Variants in AMBN observed in about 807,000 individuals in gnomAD.
AMBN encodes the protein enamel matrix protein.
Under a neutral mutation model 48.0 loss-of-function variants are expected in AMBN, and 54 were observed. The observed-to-expected ratio is 1.12, with a 90% confidence interval of 0.90 to 1.41. AMBN has a LOEUF of 1.41. Ranked by LOEUF, AMBN falls within the 40% of genes most tolerant of loss-of-function variation. AMBN has a pLI of 0.00. For synonymous variants in AMBN, 186 were observed against 190.0 expected, an observed-to-expected ratio of 0.98 and a Z score of 0.17; for missense variants, 571 against 547.3, an observed-to-expected ratio of 1.04 and a Z score of -0.43.
chr4:70,600,085 T>A (rs1290658816), intron 5 of AMBN, among the ~76,000 whole-genome samples: 1 of 152,092 alleles, frequency 6.6e-6, no homozygotes, highest in Non-Finnish European at 1.5e-5. Context: ...GGTGGGTGGA[T>A]CACTTGAGGT....
chr4:70,601,655 G>T lies in AMBN; in HGVS notation c.531+1G>T, dbSNP rs1475241932. The T allele has an allele frequency of 8.7e-6, 14 of 1,613,426 alleles. No homozygotes were observed. Among genetic ancestry groups the T allele is most frequent in the Non-Finnish European group, 1.1e-5 (13 of 1,179,532 alleles). On this transcript the variant is annotated splice_donor_variant, in intron 6 of 12. Coordinates refer to ENST00000322937, the MANE Select transcript of AMBN (RefSeq NM_016519.6). LOFTEE classifies it high-confidence loss of function. The stretch of plus-strand genomic sequence containing the variant: ...ATCAGATAAGCCACCAAAGCCTGAG[G>T]TACTTCCTTTCTCTTGAAGTCAGAT...
chr4:70,603,102 C>T, intron 9 of AMBN, 92 bp downstream of exon 9: 4 of 1,440,184 alleles, frequency 2.8e-6, no homozygotes, highest in Non-Finnish European at 3.8e-6. Context: ...CCCATTTATC[C>T]ATGAATATGA....
chr4:70,598,436 TG>T (rs1737438798), intron 4 of AMBN, 33 bp downstream of exon 4: 1 of 1,531,720 alleles, frequency 6.5e-7, no homozygotes, highest in African/African-American at 1.4e-5. Flanking sequence ...GTATTCATGG[TG>T]GTGGTAGTGT....
At position 70,602,726 on chromosome 4, in the gene AMBN, TTTTA is replaced by T. The variant is rs1317152613; in HGVS notation, c.570+68_571-65del. On this transcript the variant is annotated intron_variant, in intron 7 of 12. Coordinates refer to ENST00000322937, the MANE Select transcript of AMBN (RefSeq NM_016519.6). ...TTTTTTAATTTTTATTTGTTCACTTTTTTATTTTTATTTGTATTTAACTACTTTG... is the reference window on the plus strand; with the variant it reads ...TTTTTTAATTTTTATTTGTTCACTTTTTTTTATTTGTATTTAACTACTTTG... 3.2e-4 allele frequency: 473 copies of T among 1,461,034 alleles called. 17 individuals carry two copies. Among genetic ancestry groups the T allele is most frequent in the Non-Finnish European group, 3.9e-4 (422 of 1,075,652 alleles). 90.5% of individuals were successfully genotyped at this position (1,461,034 alleles called of 1,614,324 possible).
In AMBN at chr4:70,598,460, C is replaced by T. The variant is rs539771790; in HGVS notation, c.183+57C>T. 4 of 1,371,326 alleles carry T rather than the reference C, an allele frequency of 2.9e-6. No homozygotes were observed. In the South Asian group the frequency reaches 5.8e-5, roughly 20 times the overall value. The allele number at this position is 1,371,326 out of a possible 1,614,324, so 84.9% of individuals were successfully genotyped here. A position where few individuals can be genotyped will look rare whatever the true frequency, so the allele number is the denominator to read the frequency against. On this transcript the variant is annotated intron_variant, in intron 4 of 12. Coordinates refer to ENST00000322937, the MANE Select transcript of AMBN (RefSeq NM_016519.6). ...GTGGTGGTAGTGTTAATATTAGCAG[C>T]AGCATTATAATTCATCAAATTTATT... is the stretch of plus-strand genomic sequence containing the variant.
At chr4:70,603,382 A>G (rs1297258146) in intron 10 of AMBN, 34 bp from the exon 11 acceptor site, 2 of 1,613,462 alleles carry the variant, frequency 1.2e-6, no homozygotes, top group Non-Finnish European at 1.7e-6. Context: ...CCATTGGAAA[A>G]TGCATTTTGT....
At position 70,606,542 on chromosome 4, in the gene AMBN, C is replaced by T. The variant is rs750930274; in HGVS notation, c.1156C>T (p.Leu386=). 1.2e-6 allele frequency: 2 copies of T among 1,614,032 alleles called. No homozygotes were observed. The highest frequency in any genetic ancestry group is 2.2e-5 in the East Asian group (1 of 44,864). Residue 386 remains leucine, a synonymous_variant, in exon 13 of 13, where the codon CTG becomes TTG. Transcript: ENST00000322937. Reference sequence around the variant, plus strand: ...CGTCACCCCAGCAGCTGCTGACCCACTGATGACCCCTGAATTAGCTGATGT... The same window carrying T: ...CGTCACCCCAGCAGCTGCTGACCCATTGATGACCCCTGAATTAGCTGATGT... The part of the protein sequence containing the change: ...PSVTPAAADP[L]MTPELADVYR...
At chr4:70,597,863 T>C (rs1172499050) in intron 3 of AMBN, among the ~76,000 whole-genome samples, 2 of 152,228 alleles carry the variant, frequency 1.3e-5, no homozygotes, top group Admixed American at 1.3e-4. Context: ...CGATAATCTA[T>C]CCAGATACTT....
intron 4 of AMBN, among the ~76,000 whole-genome samples, chr4:70,599,216 G>T (rs1459450459): frequency 6.6e-6 from 1 of 152,082 alleles, no homozygotes; most frequent in Non-Finnish European, 1.5e-5. Context: ...GCCAAGGTGG[G>T]CGGATCATGA....
At position 70,606,788 on chromosome 4, in the gene AMBN, A is replaced by G; in HGVS notation, c.*58A>G. On this transcript the variant is annotated 3_prime_UTR_variant, in exon 13 of 13. Transcript: ENST00000322937. ...ACAAGCTTCCCAGCTTTGTCCCCAC[A>G]GTGTACCTTTTTGCTAAAACACTTA... The G allele has an allele frequency of 2.6e-6, 4 of 1,533,722 alleles. No homozygotes were observed. Among genetic ancestry groups the G allele is most frequent in the Non-Finnish European group, 3.5e-6 (4 of 1,138,488 alleles).
intron 5 of AMBN, among the ~76,000 whole-genome samples, chr4:70,601,066 G>T (rs79834971): frequency 0.021 from 3,159 of 152,212 alleles, 44 homozygotes; most frequent in Middle Eastern, 0.044. Flanking sequence ...GGGGGACAAA[G>T]ATTTATAACA....
chr4:70,598,480 T>C, intron 4 of AMBN, 77 bp downstream of exon 4: 2 of 1,188,746 alleles, frequency 1.7e-6, no homozygotes, highest in Non-Finnish European at 2.3e-6. Flanking sequence ...ATTCATCAAA[T>C]TTATTTATGA....
chr4:70,600,841 T>C (rs1737504524), intron 5 of AMBN, among the ~76,000 whole-genome samples: 1 of 152,198 alleles, frequency 6.6e-6, no homozygotes, highest in African/African-American at 2.4e-5. Flanking sequence ...GAACAATAAA[T>C]TATGTTAATG....
At position 70,606,712 on chromosome 4, in the gene AMBN, G is replaced by A. The variant is rs1297758923; in HGVS notation, c.1326G>A (p.Trp442Ter). 8 of 1,612,436 alleles carry A rather than the reference G, an allele frequency of 5.0e-6. No individual in the cohort carries two copies. Among genetic ancestry groups the A allele is most frequent in the Middle Eastern group, 1.7e-4 (1 of 6,054 alleles). Reference sequence around the variant, plus strand: ...AGCCCGAGATGATGCATGACGCATGGCATTTCCAAGAGCCCTGACAGCTCT... The same window carrying A: ...AGCCCGAGATGATGCATGACGCATGACATTTCCAAGAGCCCTGACAGCTCT... ...AQEPEMMHDA[W>*]HFQEP Residue 442 changes from tryptophan to a stop codon, truncating the protein, a stop_gained, in exon 13 of 13, where the codon TGG (tryptophan) becomes TGA (stop). Transcript: ENST00000322937. LOFTEE classifies it high-confidence loss of function.
Position 70,606,782 on chromosome 4 carries a change from C to T in AMBN, c.*52C>T. On this transcript the variant is annotated 3_prime_UTR_variant, in exon 13 of 13. Transcript: ENST00000322937. Reference sequence around the variant, plus strand: ...GTATGCACAAGCTTCCCAGCTTTGTCCCCACAGTGTACCTTTTTGCTAAAA... The same window carrying T: ...GTATGCACAAGCTTCCCAGCTTTGTTCCCACAGTGTACCTTTTTGCTAAAA... 3.2e-6 allele frequency: 5 copies of T among 1,550,154 alleles called. No homozygotes were observed. Among genetic ancestry groups the T allele is most frequent in the Non-Finnish European group, 4.4e-6 (5 of 1,146,118 alleles).
At position 70,607,245 on chromosome 4, in the gene AMBN, A is replaced by T. The variant is rs909220459; in HGVS notation, c.*515A>T. The T allele has an allele frequency of 6.6e-6, 1 of 152,612 alleles. No homozygotes were observed. Among genetic ancestry groups the T allele is most frequent in the Non-Finnish European group, 1.5e-5 (1 of 68,060 alleles). The allele number at this position is 152,612 out of a possible 1,614,324, so 9.5% of individuals were successfully genotyped here. A position where few individuals can be genotyped will look rare whatever the true frequency, so the allele number is the denominator to read the frequency against. On this transcript the variant is annotated 3_prime_UTR_variant, in exon 13 of 13. Coordinates refer to ENST00000322937, the MANE Select transcript of AMBN (RefSeq NM_016519.6). ...TAGAGTATTTTATTTAATCTAGTATAAAAAATCTAGCCTATTTTAAATAAA... is the reference window on the plus strand; with the variant it reads ...TAGAGTATTTTATTTAATCTAGTATTAAAAATCTAGCCTATTTTAAATAAA...
intron 2 of AMBN, among the ~76,000 whole-genome samples, chr4:70,595,974 A>G (rs1247379963): frequency 6.6e-6 from 1 of 152,110 alleles, no homozygotes; most frequent in Admixed American, 6.6e-5. Flanking sequence ...TGGGCAACAT[A>G]GTGAGACCCC....
rs1283846117 is a variant in AMBN, at chr4:70,592,300, T to C, written c.-59T>C. On this transcript the variant is annotated 5_prime_UTR_variant, in exon 1 of 13. Transcript: ENST00000322937. ...CCACGCACAGTCCTGAAAAAAATTT[T>C]AATCTTCTTTTCTTAGAACTATCTT... 5.0e-6 allele frequency: 8 copies of C among 1,603,770 alleles called. No individual in the cohort carries two copies. In the African/African-American group the frequency reaches 5.4e-5, roughly 11 times the overall value.
Position 70,599,624 on chromosome 4 carries a change from C to G in AMBN, c.272C>G (p.Pro91Arg). 1.2e-6 allele frequency: 2 copies of G among 1,611,730 alleles called. No individual in the cohort carries two copies. Among genetic ancestry groups the G allele is most frequent in the Non-Finnish European group, 1.7e-6 (2 of 1,178,536 alleles). ...PPHSSLPWMRPREHETQQYEY... is the reference protein window; with the variant it reads ...PPHSSLPWMRRREHETQQYEY... Reference sequence around the variant, plus strand: ...CATTCCTCTCTTCCATGGATGAGGCCAAGAGAACATGAAACTCAACAGGTG... The same window carrying G: ...CATTCCTCTCTTCCATGGATGAGGCGAAGAGAACATGAAACTCAACAGGTG... The change falls in exon 5 of 13, where the codon CCA becomes CGA. Residue 91 changes from proline (P) to arginine (R), a missense_variant. Coordinates refer to ENST00000322937, the MANE Select transcript of AMBN (RefSeq NM_016519.6).
Sources: gnomAD v4.1 joint callset for allele counts (sites outside exome capture counted in the v4.1 genomes callset) on GRCh38, gnomAD v4.1.1 for gene constraint, MANE v1.5 for transcripts, NCBI Gene and HGNC (gene_info 2026-07-23, HGNC 2026-07-21) for gene names.